The following NPAS3 variants were observed in gnomAD, a reference collection of about 807,000 sequenced individuals.
NPAS3 encodes the protein neuronal PAS domain-containing protein 3.
Under a neutral mutation model 73.1 loss-of-function variants are expected in NPAS3, and 14 were observed. The observed-to-expected ratio is 0.19, with a 90% CI of 0.13 to 0.30. The LOEUF is 0.30. Among genes scored for constraint, NPAS3 ranks in the 10% least tolerant of loss-of-function variants. NPAS3 has a pLI of 1.00. For synonymous variants in NPAS3, 620 were observed against 541.5 expected (o/e 1.14, Z -2.01); for missense variants, 1,096 against 1,250.0 (o/e 0.88, Z 1.86).
At chr14:33,755,205 G>T (rs1260188134) in intron 7 of NPAS3, among the ~76,000 whole-genome samples, 1 of 152,202 alleles carries the variant, frequency 6.6e-6, no homozygotes, top group East Asian at 1.9e-4. Context: ...AAAATATTCT[G>T]TAAACTCTAA....
At chr14:33,112,154 G>A (rs1042209520) in intron 2 of NPAS3, among the ~76,000 whole-genome samples, 17 of 152,156 alleles carry the variant, frequency 1.1e-4, no homozygotes, top group Admixed American at 7.2e-4. Flanking sequence ...CTTTATAGCA[G>A]CATGATTTAT....
intron 6 of NPAS3, among the ~76,000 whole-genome samples, chr14:33,713,299 C>T (rs1023303901): frequency 6.6e-6 from 1 of 152,236 alleles, no homozygotes; most frequent in African/African-American, 2.4e-5. Flanking sequence ...GCTACTCTTG[C>T]CCCCTCAACA....
chr14:33,092,661 G>A (rs924347595), intron 2 of NPAS3, among the ~76,000 whole-genome samples: 1 of 152,170 alleles, frequency 6.6e-6, no homozygotes, highest in South Asian at 2.1e-4. Context: ...GCATTGCCAA[G>A]TCAATCCTAA....
chr14:33,639,624 C>T (rs941445913), intron 5 of NPAS3, among the ~76,000 whole-genome samples: 1 of 152,174 alleles, frequency 6.6e-6, no homozygotes, highest in African/African-American at 2.4e-5. Flanking sequence ...CAATGTTCAG[C>T]TGTTCCCAAA....
intron 7 of NPAS3, among the ~76,000 whole-genome samples, chr14:33,761,491 T>C (rs542615200): frequency 7.5e-4 from 112 of 148,434 alleles, no homozygotes; most frequent in Non-Finnish European, 1.4e-3. Flanking sequence ...TAAAGGGGAC[T>C]TCAAACATTC....
rs989826924 is a variant in NPAS3 at position 33,540,613 on chromosome 14, C to T, written c.469-19508C>T. Among the ~76,000 whole-genome samples the T allele has an allele frequency of 2.0e-5, 3 of 152,118 alleles. No individual in the cohort carries two copies. The East Asian group carries it at 5.8e-4, about 29-fold the overall frequency. The stretch of plus-strand genomic sequence containing the variant: ...ATTAGCTTTTTATTTTCTGGGTAAA[C>T]TTATCTATTCTCTGGGAATAGGGAA... On this transcript the variant is annotated intron_variant, in intron 4 of 11. Transcript: ENST00000356141.
intron 3 of NPAS3, among the ~76,000 whole-genome samples, chr14:33,335,367 C>T (rs920949886): frequency 2.6e-5 from 4 of 152,182 alleles, no homozygotes; most frequent in South Asian, 2.1e-4. Context: ...GAGAGTGTCT[C>T]TTGGTAGTAA....
chr14:33,678,542 C>T (rs890749973), intron 6 of NPAS3, among the ~76,000 whole-genome samples: 32 of 152,142 alleles, frequency 2.1e-4, no homozygotes, highest in African/African-American at 7.2e-5. Context: ...AGAGAACCCT[C>T]TAAAAATACA....
In NPAS3 at chr14:33,573,920, C is replaced by G. The variant is rs79709644; in HGVS notation, c.558+13710C>G. Reference sequence around the variant, plus strand: ...AAAAGAAGGGGATGGACTCGAGAAGCCTTTTTCCGGTAAGATCAATGCCAT... The same window carrying G: ...AAAAGAAGGGGATGGACTCGAGAAGGCTTTTTCCGGTAAGATCAATGCCAT... On this transcript the variant is annotated intron_variant, in intron 5 of 11. Coordinates refer to ENST00000356141, the Ensembl canonical transcript of NPAS3. 7.7e-3 allele frequency among the ~76,000 whole-genome samples: 1,175 copies of G among 152,220 alleles called. 19 individuals carry two copies. Among genetic ancestry groups the G allele is most frequent in the African/African-American group, 0.026 (1,079 of 41,534 alleles).
chr14:33,576,090 G>A (rs370254006), intron 5 of NPAS3, among the ~76,000 whole-genome samples: 1 of 152,054 alleles, frequency 6.6e-6, no homozygotes, highest in Non-Finnish European at 1.5e-5. Context: ...ATCTACGCCT[G>A]CTTGCAAAAG....
At chr14:32,935,676 C>G (rs919989179), upstream of NPAS3, among the ~76,000 whole-genome samples, 2 of 152,150 alleles carry the variant, frequency 1.3e-5, no homozygotes, top group African/African-American at 4.8e-5. Context: ...ATTTGTAGTT[C>G]TCTTAAACGT....
downstream of NPAS3, chr14:33,801,212 G>A: frequency 6.7e-7 from 1 of 1,496,826 alleles, no homozygotes; most frequent in Non-Finnish European, 8.8e-7. Flanking sequence ...GAGCAGGTCA[G>A]CGTCTTCTCT....
chr14:33,166,257 A>G (rs1000863437), intron 2 of NPAS3, among the ~76,000 whole-genome samples: 3 of 152,182 alleles, frequency 2.0e-5, no homozygotes, highest in Non-Finnish European at 2.9e-5. Flanking sequence ...TACTCCTCAC[A>G]TAGCTGGTCT....
chr14:33,260,302 A>T (rs1332691036), intron 3 of NPAS3, among the ~76,000 whole-genome samples: 1 of 152,054 alleles, frequency 6.6e-6, no homozygotes, highest in Non-Finnish European at 1.5e-5. Flanking sequence ...CACATCTCTA[A>T]AAAGAAAGCC....
intron 2 of NPAS3, among the ~76,000 whole-genome samples, chr14:33,093,670 G>A (rs1047744284): frequency 2.6e-5 from 4 of 152,116 alleles, no homozygotes; most frequent in Non-Finnish European, 4.4e-5. Flanking sequence ...ACATGCACAC[G>A]TATGTTTATT....
chr14:33,702,259 G>T (rs1309470474), intron 6 of NPAS3, among the ~76,000 whole-genome samples: 1 of 152,194 alleles, frequency 6.6e-6, no homozygotes, highest in Non-Finnish European at 1.5e-5. Flanking sequence ...AATTATCTTG[G>T]CTATGTAAGA....
chr14:33,285,550 G>C (rs2041841079), intron 3 of NPAS3, among the ~76,000 whole-genome samples: 1 of 152,140 alleles, frequency 6.6e-6, no homozygotes. Context: ...TCAAACACGT[G>C]TTCCACACTT....
In NPAS3 at chr14:33,328,446, C is replaced by CTTTTTTTTTTTTTTTTTT. The variant is rs58411120; in HGVS notation, c.386-38719_386-38702dup. On this transcript the variant is annotated intron_variant, in intron 3 of 11. Transcript: ENST00000356141. ...TTTATCTTTCTTTTCCTTTTCTTTT[C>CTTTTTTTTTTTTTTTTTT]TTTTTTTTTTTTTTTTTTTTTTTTT... is the stretch of plus-strand genomic sequence containing the variant. Among the ~76,000 whole-genome samples the CTTTTTTTTTTTTTTTTTT allele has an allele frequency of 1.8e-4, 9 of 49,584 alleles. 4 individuals are homozygous for CTTTTTTTTTTTTTTTTTT. Among genetic ancestry groups the CTTTTTTTTTTTTTTTTTT allele is most frequent in the Non-Finnish European group, 3.4e-4 (9 of 26,758 alleles). The allele number at this position is 49,584 out of a possible 152,430, so 32.5% of individuals were successfully genotyped here.
intron 2 of NPAS3, among the ~76,000 whole-genome samples, chr14:33,203,533 C>T (rs1007928859): frequency 2.0e-5 from 3 of 152,072 alleles, no homozygotes; most frequent in African/African-American, 4.8e-5. Context: ...CAAGTGTTCT[C>T]ATTGTTCATT....
Sources: allele counts gnomAD v4.1 joint callset (sites outside exome capture counted in the v4.1 genomes callset), GRCh38; gene constraint gnomAD v4.1.1; transcripts MANE v1.5; gene names NCBI Gene and HGNC (gene_info 2026-07-23, HGNC 2026-07-21).